The following GMDS variants were observed in gnomAD, a reference collection of about 807,000 sequenced individuals.
GMDS encodes the protein GDP-mannose 4,6 dehydratase.
A neutral mutation model predicts 49.9 loss-of-function variants in GMDS; 20 were observed. That is an observed-to-expected ratio of 0.40 (90% CI 0.28 to 0.58). The LOEUF is 0.58. GMDS is among the 20% of genes least tolerant of loss of function. GMDS has a pLI of 0.42. For synonymous variants in GMDS, 177 were observed against 178.6 expected (o/e 0.99, Z 0.07); for missense variants, 362 against 481.4 (o/e 0.75, Z 2.32).
At chr6:1,978,432 C>A (rs1348056267) in intron 4 of GMDS, among the ~76,000 whole-genome samples, 1 of 152,172 alleles carries the variant, frequency 6.6e-6, no homozygotes, top group African/African-American at 2.4e-5. Flanking sequence ...TTTGGAGAGT[C>A]CTAGCCGACT....
At chr6:1,794,316 CAA>C (rs34140629) in intron 7 of GMDS, among the ~76,000 whole-genome samples, 2,886 of 148,546 alleles carry the variant, frequency 0.019, 90 homozygotes, top group African/African-American at 0.066. Context: ...TTCACTGAGG[CAA>C]AAAAAAAAAT....
chr6:2,140,208 G>A (rs779335270), intron 1 of GMDS, among the ~76,000 whole-genome samples: 6 of 152,060 alleles, frequency 3.9e-5, no homozygotes, highest in African/African-American at 9.7e-5. Context: ...GAGCATAATC[G>A]CGAGAGTCCT....
chr6:2,099,637 C>G (rs2127484501), intron 4 of GMDS, among the ~76,000 whole-genome samples: 1 of 152,108 alleles, frequency 6.6e-6, no homozygotes, highest in East Asian at 1.9e-4. Context: ...CCCATATTAA[C>G]AGTATGACCA....
chr6:1,911,290 T>G (rs188155051), intron 7 of GMDS, among the ~76,000 whole-genome samples: 1 of 152,234 alleles, frequency 6.6e-6, no homozygotes, highest in Admixed American at 6.5e-5. Context: ...CCATTAATAC[T>G]GGATGTTGAG....
chr6:2,164,835 G>A (rs979056011), intron 1 of GMDS, among the ~76,000 whole-genome samples: 1 of 152,188 alleles, frequency 6.6e-6, no homozygotes, highest in African/African-American at 2.4e-5. Flanking sequence ...TGTTTGAGCT[G>A]GAAAATAAAA....
At chr6:1,948,467 T>G (rs768975064) in intron 6 of GMDS, among the ~76,000 whole-genome samples, 1 of 152,020 alleles carries the variant, frequency 6.6e-6, no homozygotes, top group Non-Finnish European at 1.5e-5. Flanking sequence ...ACAGGACCAT[T>G]AAAAAAATAC....
chr6:1,752,737 T>C (rs373677273), intron 7 of GMDS, among the ~76,000 whole-genome samples: 2 of 152,180 alleles, frequency 1.3e-5, no homozygotes, highest in Admixed American at 6.5e-5. Flanking sequence ...TATTCAACAT[T>C]CTTAAATAAA....
At chr6:1,646,535 G>A (rs1383178551) in intron 9 of GMDS, among the ~76,000 whole-genome samples, 5 of 152,074 alleles carry the variant, frequency 3.3e-5, no homozygotes, top group Admixed American at 1.3e-4. Flanking sequence ...TTCATGCCAC[G>A]GCACGTAGCT....
At position 2,084,890 on chromosome 6, in the gene GMDS, C is replaced by G. The variant is rs77248985; in HGVS notation, c.345+30881G>C. On this transcript the variant is annotated intron_variant, in intron 4 of 10. Coordinates refer to ENST00000380815, the MANE Select transcript of GMDS (RefSeq NM_001500.4). ...TGAGCAAACCAGAGAGGACTATCCC[C>G]TTCATCAGAAACTTTCTGACACTAT... Among the ~76,000 whole-genome samples the G allele has an allele frequency of 1.7e-3, 253 of 152,280 alleles. 2 individuals are homozygous for G. The East Asian group carries it at 0.031, about 18-fold the overall frequency.
chr6:1,731,334 G>T (rs1443211104), intron 8 of GMDS, among the ~76,000 whole-genome samples: 1 of 152,192 alleles, frequency 6.6e-6, no homozygotes, highest in Non-Finnish European at 1.5e-5. Flanking sequence ...AATAAGTCAA[G>T]AATACTGATC....
At chr6:1,629,577 C>T (rs887213826) in intron 9 of GMDS, among the ~76,000 whole-genome samples, 12 of 152,134 alleles carry the variant, frequency 7.9e-5, no homozygotes, top group South Asian at 6.2e-4. Context: ...TGGCCTCGTC[C>T]GTGGCCACCC....
At chr6:1,693,788 A>G (rs1267483722) in intron 9 of GMDS, among the ~76,000 whole-genome samples, 2 of 152,206 alleles carry the variant, frequency 1.3e-5, no homozygotes, top group Non-Finnish European at 2.9e-5. Context: ...TAGCAAGCAC[A>G]GTTACTAGTT....
intron 1 of GMDS, among the ~76,000 whole-genome samples, chr6:2,160,575 G>C (rs558786774): frequency 1.1e-4 from 17 of 152,308 alleles, no homozygotes; most frequent in African/African-American, 3.6e-4. Flanking sequence ...TTTTGAGACA[G>C]GTGTTGCCCA....
At chr6:1,939,422 G>T (rs1445180330) in intron 6 of GMDS, among the ~76,000 whole-genome samples, 1 of 151,838 alleles carries the variant, frequency 6.6e-6, no homozygotes, top group Non-Finnish European at 1.5e-5. Context: ...GGTTAACAAG[G>T]TTCTGCTCTT....
chr6:1,927,780 C>T (rs1217473502), intron 7 of GMDS, among the ~76,000 whole-genome samples: 1 of 152,194 alleles, frequency 6.6e-6, no homozygotes, highest in Non-Finnish European at 1.5e-5. Context: ...ACTTAACACT[C>T]TCATTCATTT....
chr6:2,044,773 T>C (rs973393329), intron 4 of GMDS, among the ~76,000 whole-genome samples: 2 of 152,222 alleles, frequency 1.3e-5, no homozygotes, highest in Non-Finnish European at 2.9e-5. Flanking sequence ...GGAAATGCCA[T>C]TATTAATTGG....
intron 7 of GMDS, among the ~76,000 whole-genome samples, chr6:1,892,247 T>C (rs114578598): frequency 0.02 from 3,071 of 152,226 alleles, 108 homozygotes; most frequent in African/African-American, 0.07. Flanking sequence ...CCTAGAAATA[T>C]GTCTTCCCTA....
chr6:2,071,821 C>T (rs562261474), intron 4 of GMDS, among the ~76,000 whole-genome samples: 2 of 152,218 alleles, frequency 1.3e-5, no homozygotes, highest in East Asian at 1.9e-4. Context: ...AATTCCAAGA[C>T]GGTCCAAGCT....
At chr6:1,856,154 T>C (rs949038400) in intron 7 of GMDS, among the ~76,000 whole-genome samples, 1 of 152,132 alleles carries the variant, frequency 6.6e-6, no homozygotes, top group Non-Finnish European at 1.5e-5. Context: ...TTATGGCTGG[T>C]GAGGATCAAA....
Sources: allele counts gnomAD v4.1 joint callset (sites outside exome capture counted in the v4.1 genomes callset), GRCh38; gene constraint gnomAD v4.1.1; transcripts MANE v1.5; gene names NCBI Gene and HGNC (gene_info 2026-07-23, HGNC 2026-07-21).